Variants in KIF26B observed in about 807,000 individuals in gnomAD.
The protein encoded by KIF26B is kinesin-like protein KIF26B.
KIF26B carries 63 observed loss-of-function variants against 151.2 expected under a neutral mutation model. The observed-to-expected ratio is 0.42, with a 90% CI of 0.34 to 0.51. The LOEUF (loss-of-function observed/expected upper bound fraction) is 0.51. Among genes scored for constraint, KIF26B ranks in the 20% least tolerant of loss-of-function variants. The probability of loss-of-function intolerance (pLI) is 0.07; values close to 1 mark genes in which losing one functional copy is unlikely to be tolerated. For synonymous variants in KIF26B, 1,357 were observed against 1,262.1 expected, an observed-to-expected ratio of 1.08 and a Z score of -1.59; for missense variants, 2,813 against 2,913.6, an observed-to-expected ratio of 0.97 and a Z score of 0.79.
chr1:245,487,232 C>G (rs1176589581), intron 4 of KIF26B, among the ~76,000 whole-genome samples: 12 of 152,286 alleles, frequency 7.9e-5, no homozygotes, highest in Middle Eastern at 3.4e-3. Context: ...TTTGCAGTTT[C>G]ACATTTAACA....
intron 4 of KIF26B, among the ~76,000 whole-genome samples, chr1:245,526,490 T>G (rs1172046965): frequency 6.6e-6 from 1 of 152,218 alleles, no homozygotes; most frequent in African/African-American, 2.4e-5. Context: ...GAAATAACCT[T>G]AATGATTTCT....
intron 2 of KIF26B, among the ~76,000 whole-genome samples, chr1:245,192,051 A>T (rs1338464369): frequency 6.6e-6 from 1 of 152,184 alleles, no homozygotes; most frequent in East Asian, 1.9e-4. Context: ...ATCTATCTTA[A>T]GGGGATAATC....
intron 4 of KIF26B, among the ~76,000 whole-genome samples, chr1:245,434,925 T>G (rs1283942263): frequency 6.6e-6 from 1 of 152,114 alleles, no homozygotes; most frequent in African/African-American, 2.4e-5. Flanking sequence ...TGTACAAGGA[T>G]ATGTCTGAGG....
At chr1:245,676,507 A>G (rs2044358837) in intron 10 of KIF26B, 1 of 152,224 alleles carries the variant, frequency 6.6e-6, no homozygotes, top group Non-Finnish European at 1.5e-5. Context: ...TACATCATAT[A>G]TTTCTTCTAA....
intron 2 of KIF26B, among the ~76,000 whole-genome samples, chr1:245,325,842 G>GA (rs971717330): frequency 1.3e-5 from 2 of 152,176 alleles, no homozygotes; most frequent in African/African-American, 4.8e-5. Context: ...GCGGAGGGGG[G>GA]GTGGTATTGT....
chr1:245,206,040 C>T (rs1335465083), intron 2 of KIF26B, among the ~76,000 whole-genome samples: 1 of 152,230 alleles, frequency 6.6e-6, no homozygotes, highest in Non-Finnish European at 1.5e-5. Flanking sequence ...GCCCAGCCCC[C>T]AAGGAGACTT....
intron 4 of KIF26B, among the ~76,000 whole-genome samples, chr1:245,453,386 A>C (rs776579433): frequency 3.3e-5 from 5 of 152,062 alleles, no homozygotes; most frequent in Non-Finnish European, 7.4e-5. Flanking sequence ...AATTTTTTGC[A>C]TTTATTTTTA....
At chr1:245,690,434 G>A (rs2044609316) in intron 12 of KIF26B, among the ~76,000 whole-genome samples, 1 of 152,202 alleles carries the variant, frequency 6.6e-6, no homozygotes, top group East Asian at 1.9e-4. Flanking sequence ...TCCAGCAACT[G>A]CCCCACAGGC....
chr1:245,685,089 T>C (rs1392582875), intron 11 of KIF26B, among the ~76,000 whole-genome samples: 2 of 152,202 alleles, frequency 1.3e-5, no homozygotes, highest in Non-Finnish European at 2.9e-5. Flanking sequence ...TTAACCAGAG[T>C]TCCACGGCAC....
intron 2 of KIF26B, among the ~76,000 whole-genome samples, chr1:245,287,023 C>T (rs77870837): frequency 0.022 from 3,414 of 152,032 alleles, 129 homozygotes; most frequent in African/African-American, 0.074. Context: ...ACAGGAGAAT[C>T]GCTTGAACCC....
chr1:245,280,599 T>G (rs866493774), intron 2 of KIF26B, among the ~76,000 whole-genome samples: 44,175 of 102,572 alleles, frequency 0.43, 8,439 homozygotes, highest in East Asian at 0.56. Flanking sequence ...AAGTTTTCGT[T>G]TTTTTTTTTT....
At position 245,390,938 on chromosome 1, in the gene KIF26B, A is replaced by AC. The variant is rs1352654367; in HGVS notation, c.999+23571_999+23572insC. Among the ~76,000 whole-genome samples the AC allele has an allele frequency of 8.3e-5, 8 of 96,002 alleles. 1 individual carries two copies. The highest frequency in any genetic ancestry group is 6.9e-4 in the African/African-American group (8 of 11,602). The allele number at this position is 96,002 out of a possible 152,430, so 63.0% of individuals were successfully genotyped here. A position where few individuals can be genotyped will look rare whatever the true frequency, so the allele number is the denominator to read the frequency against. On this transcript the variant is annotated intron_variant, in intron 3 of 14. Transcript: ENST00000407071. ...CCCTGTCTCAAAAAAAAAAAAAAAA[A>AC]AAAAAAAAAAAAAACCACCATAAAA...
chr1:245,675,919 GAAGA>G (rs928613875), intron 10 of KIF26B, among the ~76,000 whole-genome samples: 2 of 152,154 alleles, frequency 1.3e-5, no homozygotes, highest in Non-Finnish European at 2.9e-5. Context: ...AAGTTTAATA[GAAGA>G]AAGAGCTTTC....
In KIF26B at chr1:245,516,439, G is replaced by C. The variant is rs998609969; in HGVS notation, c.1167-24328G>C. Among the ~76,000 whole-genome samples the C allele has an allele frequency of 6.6e-6, 1 of 152,302 alleles. No individual in the cohort carries two copies. Among genetic ancestry groups the C allele is most frequent in the South Asian group, 2.1e-4 (1 of 4,828 alleles). On this transcript the variant is annotated intron_variant, in intron 4 of 14. Coordinates refer to ENST00000407071, the MANE Select transcript of KIF26B (RefSeq NM_018012.4). This position sits in a 1 kb window ranked among gnomAD's most constrained non-coding sequence, Gnocchi z 4.2. ...ATTTGCTACTAGGCAGCTCTGTAGG[G>C]CTGTATGTATTGATATCACATGCGT...
chr1:245,544,430 G>A (rs1403622763), intron 5 of KIF26B, among the ~76,000 whole-genome samples: 2 of 152,018 alleles, frequency 1.3e-5, no homozygotes, highest in East Asian at 1.9e-4. Context: ...TCACCCAGCC[G>A]GACCACTGCC....
chr1:245,372,634 G>C (rs558483094), intron 3 of KIF26B, among the ~76,000 whole-genome samples: 9 of 152,286 alleles, frequency 5.9e-5, no homozygotes, highest in African/African-American at 2.2e-4. Flanking sequence ...GTCTAGATTA[G>C]TTCCTTGTAA....
intron 3 of KIF26B, among the ~76,000 whole-genome samples, chr1:245,377,919 G>A (rs566527332): frequency 6.6e-6 from 1 of 152,166 alleles, no homozygotes; most frequent in Admixed American, 6.5e-5. Context: ...TCAAGAGCCA[G>A]ACAAAATGAA....
At chr1:245,453,208 T>C (rs1312760567) in intron 4 of KIF26B, among the ~76,000 whole-genome samples, 2 of 152,130 alleles carry the variant, frequency 1.3e-5, no homozygotes, top group African/African-American at 4.8e-5. Flanking sequence ...TTAGATCTTC[T>C]ATAGCTTTAT....
chr1:245,670,251 T>TAC (rs2044267304), intron 10 of KIF26B, among the ~76,000 whole-genome samples: 1 of 19,572 alleles, frequency 5.1e-5, no homozygotes, highest in East Asian at 5.0e-3. Context: ...TATCCATATA[T>TAC]ATATATATAT....
Sources: allele counts gnomAD v4.1 joint callset (sites outside exome capture counted in the v4.1 genomes callset), GRCh38; gene constraint gnomAD v4.1.1; non-coding constraint Gnocchi (gnomAD v3.1); transcripts MANE v1.5; gene names NCBI Gene and HGNC (gene_info 2026-07-23, HGNC 2026-07-21).